Variants in KPNA7 observed in about 807,000 individuals in gnomAD.
KPNA7 encodes the protein karyopherin subunit alpha 7, also known as importin subunit alpha-8.
In KPNA7, 54 loss-of-function variants were observed where a neutral mutation model predicts 53.7. The ratio of observed to expected loss-of-function variants is 1.01; its 90% CI spans 0.81 to 1.26. KPNA7 has a LOEUF of 1.26. KPNA7 is among the 50% of genes most tolerant of loss of function. The pLI is 0.00. For missense variants in KPNA7, 640 were observed against 644.5 expected (o/e 0.99, Z 0.07); for synonymous variants, 276 against 259.3 (o/e 1.06, Z -0.62).
chr7:99,212,765 G>A (rs73157575), upstream of KPNA7, among the ~76,000 whole-genome samples: 7,386 of 151,956 alleles, frequency 0.049, 258 homozygotes, highest in African/African-American at 0.1. Context: ...ATCCGGCATC[G>A]TGATGGGCAC....
chr7:99,216,436 G>C (rs1791218552), intron 1 of KPNA7, among the ~76,000 whole-genome samples: 1 of 152,116 alleles, frequency 6.6e-6, no homozygotes, highest in Non-Finnish European at 1.5e-5. Context: ...TATCCCTGGG[G>C]TCTCAGGCCA....
intron 6 of KPNA7, among the ~76,000 whole-genome samples, chr7:99,191,033 G>A (rs1789922183): frequency 6.6e-6 from 1 of 151,940 alleles, no homozygotes; most frequent in South Asian, 2.1e-4. Flanking sequence ...CCTTTCTCTA[G>A]GAAGACAATC....
intron 7 of KPNA7, among the ~76,000 whole-genome samples, chr7:99,186,678 G>C (rs1218983261): frequency 6.6e-6 from 1 of 152,058 alleles, no homozygotes; most frequent in African/African-American, 2.4e-5. Flanking sequence ...AGGAGACAGA[G>C]GTTGCAGGGA....
rs1181796540 is a variant in KPNA7, at chr7:99,214,257, C to G, written c.-23-6768G>C. On this transcript the variant is annotated intron_variant, in intron 1 of 10. Coordinates refer to the KPNA7 transcript ENST00000681060. ...TCATCCTTGGCCAATGTGGCAAAAC[C>G]CCGTCTCTACTAAAAATATACAAAA... 2.0e-5 allele frequency among the ~76,000 whole-genome samples: 3 copies of G among 150,366 alleles called. No homozygotes were observed. The South Asian group carries it at 6.3e-4, about 32-fold the overall frequency.
intron 5 of KPNA7, 44 bp from the exon 6 acceptor site, chr7:99,193,145 C>T: frequency 7.9e-7 from 1 of 1,273,286 alleles, no homozygotes; most frequent in Non-Finnish European, 1.1e-6. Context: ...AGAACAAAGA[C>T]AATCCTGAAG....
downstream of KPNA7, among the ~76,000 whole-genome samples, chr7:99,173,055 T>G (rs1040433537): frequency 2.9e-5 from 2 of 68,624 alleles, no homozygotes; most frequent in Non-Finnish European, 4.9e-5. Context: ...AGACCGAAAC[T>G]CCATCTCAAA....
intron 9 of KPNA7, among the ~76,000 whole-genome samples, chr7:99,178,892 C>T (rs1228531400): frequency 6.6e-6 from 1 of 151,300 alleles, no homozygotes; most frequent in Non-Finnish European, 1.5e-5. Flanking sequence ...AAGAGATTCT[C>T]CTGCCTCAGT....
chr7:99,204,716 G>A (rs1259971306), intron 2 of KPNA7, among the ~76,000 whole-genome samples: 1 of 151,522 alleles, frequency 6.6e-6, no homozygotes, highest in Non-Finnish European at 1.5e-5. Flanking sequence ...TCTCTACAAA[G>A]AAATAAAAAA....
At position 99,181,887 on chromosome 7, in the gene KPNA7, A is replaced by T; in HGVS notation, c.1313T>A (p.Leu438His). The change falls in exon 9 of 11, where the codon CTC (leucine) becomes CAC (histidine). Residue 438 changes from leucine (L) to histidine (H), a missense_variant. Leu to His is a moderately conservative substitution (Grantham distance 99, BLOSUM62 -3). Coordinates refer to ENST00000327442, the MANE Select transcript of KPNA7 (RefSeq NM_001145715.3). ...AACCTGTTCAGAACGGCTCACCTGG[A>T]GGATGCAAGAGATGACATCAAGGAT... is the stretch of plus-strand genomic sequence containing the variant. ...LIILDVISCI[L>H]QAAEKRSEKE... The T allele has an allele frequency of 6.5e-7, 1 of 1,541,212 alleles. No individual in the cohort carries two copies. The highest frequency in any genetic ancestry group is 8.8e-7 in the Non-Finnish European group (1 of 1,139,242).
intron 10 of KPNA7, among the ~76,000 whole-genome samples, chr7:99,176,467 A>C (rs1022367967): frequency 1.3e-5 from 2 of 152,140 alleles, no homozygotes; most frequent in Non-Finnish European, 2.9e-5. Flanking sequence ...ATCCTCATGC[A>C]TTGTTGGTAG....
At chr7:99,181,021 G>C (rs62638827) in intron 9 of KPNA7, among the ~76,000 whole-genome samples, 904 of 10,850 alleles carry the variant, frequency 0.083, 397 homozygotes, top group Middle Eastern at 0.18. Flanking sequence ...CTCTGTGTGT[G>C]TGTCTCTCTG....
chr7:99,171,434 ACCT>A (rs71108417), downstream of KPNA7, among the ~76,000 whole-genome samples: 140,203 of 151,954 alleles, frequency 0.92, 64,911 homozygotes, highest in East Asian at 1. Flanking sequence ...TCCCATGCCT[ACCT>A]CCTCATGCGA....
chr7:99,185,148 G>A lies in KPNA7; in HGVS notation c.915C>T (p.Arg305=). 2.6e-6 allele frequency: 4 copies of A among 1,551,684 alleles called. No individual in the cohort carries two copies. The highest frequency in any genetic ancestry group is 2.4e-5 in the South Asian group (2 of 84,024). The part of the protein sequence containing the change: ...SELNVLTPSL[R]TVGNIVTGTD... ...TGCCCGTGACAATGTTCCCCACGGT[G>A]CGGAGAGAAGGAGTCTGGAAGAGCA... Residue 305 remains arginine, a synonymous_variant, in exon 8 of 11, where the codon CGC becomes CGT. Transcript: ENST00000327442.
At chr7:99,176,544 T>C (rs1031008390) in intron 10 of KPNA7, among the ~76,000 whole-genome samples, 2 of 151,992 alleles carry the variant, frequency 1.3e-5, no homozygotes, top group Admixed American at 1.3e-4. Context: ...AAAATGGAAT[T>C]ACCACGTAAT....
At position 99,181,898 on chromosome 7, in the gene KPNA7, G is replaced by C; in HGVS notation, c.1302C>G (p.Ile434Met). Residue 434 changes from isoleucine (I) to methionine (M), a missense_variant, in exon 9 of 11, where the codon ATC becomes ATG. Physicochemically the swap from Ile to Met is conservative, Grantham distance 10. Transcript: ENST00000327442. The part of the protein sequence containing the change: ...VKIVLIILDV[I>M]SCILQAAEKR... ...AACGGCTCACCTGGAGGATGCAAGA[G>C]ATGACATCAAGGATGATGAGAACAA... The C allele has an allele frequency of 6.5e-7, 1 of 1,546,208 alleles. No individual in the cohort carries two copies. Among genetic ancestry groups the C allele is most frequent in the Non-Finnish European group, 8.8e-7 (1 of 1,142,738 alleles).
chr7:99,174,262 C>G (rs1041607733), intron 10 of KPNA7, among the ~76,000 whole-genome samples: 1 of 151,142 alleles, frequency 6.6e-6, no homozygotes, highest in Non-Finnish European at 1.5e-5. Flanking sequence ...AATCTAGTGC[C>G]TGATGATCTG....
chr7:99,185,742 T>C (rs956963469), intron 7 of KPNA7, among the ~76,000 whole-genome samples: 1 of 152,202 alleles, frequency 6.6e-6, no homozygotes, highest in African/African-American at 2.4e-5. Flanking sequence ...GTTGGACTTT[T>C]CATATGCTTT....
chr7:99,156,532 TTTTTTG>T, the KPNA7 span, among the ~76,000 whole-genome samples: 2 of 152,142 alleles, frequency 1.3e-5, no homozygotes, highest in Non-Finnish European at 2.9e-5. Context: ...CTGATACTTT[TTTTTTG>T]TTTGAGACAG....
intron 1 of KPNA7, among the ~76,000 whole-genome samples, chr7:99,213,178 G>A (rs1207677921): frequency 6.6e-6 from 1 of 150,612 alleles, no homozygotes; most frequent in East Asian, 2.0e-4. Context: ...CCAGGCTGGA[G>A]TGCAGTGGGT....
Sources: gnomAD v4.1 joint callset for allele counts (sites outside exome capture counted in the v4.1 genomes callset) on GRCh38, gnomAD v4.1.1 for gene constraint, MANE v1.5 for transcripts, NCBI Gene and HGNC (gene_info 2026-07-23, HGNC 2026-07-21) for gene names.